SLC35E1: variants seen among roughly 807,000 people sequenced by gnomAD.
The protein encoded by SLC35E1 is solute carrier family 35, member E1.
Under a neutral mutation model 31.0 loss-of-function variants are expected in SLC35E1, and 12 were observed. That is an observed-to-expected ratio of 0.39 (90% CI 0.25 to 0.63). The LOEUF (loss-of-function observed/expected upper bound fraction) is 0.63, where lower values mean the gene tolerates loss of function less well. Ranked by LOEUF, SLC35E1 falls within the 20% of genes least tolerant of loss-of-function variation. The probability of loss-of-function intolerance (pLI) is 0.52; values close to 1 mark genes in which losing one functional copy is unlikely to be tolerated. For missense variants in SLC35E1, 429 were observed against 572.2 expected (o/e 0.75, Z 2.55); for synonymous variants, 257 against 264.1 (o/e 0.97, Z 0.26).
In SLC35E1 at chr19:16,572,376, G is replaced by T. The variant is rs997670483; in HGVS notation, c.-12C>A. ...GCGGCCGCCGCCATCCTGCCCGAGC[G>T]GCCGCCCCTTCCAGCCCGTCCGACG... On this transcript the variant is annotated 5_prime_UTR_variant, in exon 1 of 6. Transcript: ENST00000595753. This position sits in a 1 kb window ranked among gnomAD's most constrained non-coding sequence, Gnocchi z 4.1. 1.2e-5 allele frequency: 12 copies of T among 1,001,486 alleles called. No homozygotes were observed. The highest frequency in any genetic ancestry group is 3.5e-5 in the African/African-American group (2 of 57,116). The allele number at this position is 1,001,486 out of a possible 1,614,324, so 62.0% of individuals were successfully genotyped here. A position where few individuals can be genotyped will look rare whatever the true frequency, so the allele number is the denominator to read the frequency against.
At chr19:16,564,545 A>C (rs1371654591) in intron 4 of SLC35E1, among the ~76,000 whole-genome samples, 2 of 152,072 alleles carry the variant, frequency 1.3e-5, no homozygotes, top group Non-Finnish European at 2.9e-5. Context: ...ACCTCAAGTG[A>C]TCTGCCCACC....
intron 2 of SLC35E1, among the ~76,000 whole-genome samples, chr19:16,571,119 C>T (rs951982485): frequency 6.8e-6 from 1 of 147,714 alleles, no homozygotes; most frequent in South Asian, 2.1e-4. Flanking sequence ...AAAAAGTGAA[C>T]ACCTAACCGA....
At chr19:16,564,959 G>T (rs1489990998) in intron 4 of SLC35E1, 1 of 346,392 alleles carries the variant, frequency 2.9e-6, no homozygotes, top group Non-Finnish European at 5.8e-6. Flanking sequence ...CACTACTTCA[G>T]CAGGTGGAGC....
At chr19:16,554,438 G>A (rs2122322057) in intron 5 of SLC35E1, among the ~76,000 whole-genome samples, 1 of 152,250 alleles carries the variant, frequency 6.6e-6, no homozygotes, top group Admixed American at 6.5e-5. Flanking sequence ...AAGTGCTTTG[G>A]GAGGCCTAGG....
chr19:16,563,269 A>G (rs1177917772), intron 4 of SLC35E1, among the ~76,000 whole-genome samples: 1 of 151,172 alleles, frequency 6.6e-6, no homozygotes, highest in Non-Finnish European at 1.5e-5. Context: ...GGCTGCAGTG[A>G]GCCGAGAACA....
chr19:16,571,859 C>G (rs1374280569), intron 1 of SLC35E1, 85 bp downstream of exon 1: 2 of 1,383,594 alleles, frequency 1.4e-6, no homozygotes, highest in African/African-American at 2.9e-5. Context: ...GCGGGACGCG[C>G]CCCGGGCGGC....
At chr19:16,568,001 C>G (rs2085940324) in intron 3 of SLC35E1, 31 bp downstream of exon 3, 1 of 1,578,384 alleles carries the variant, frequency 6.3e-7, no homozygotes, top group Non-Finnish European at 8.6e-7. Flanking sequence ...CCCTGAAACC[C>G]CATGCATGTC....
intron 5 of SLC35E1, among the ~76,000 whole-genome samples, chr19:16,554,199 G>A (rs2085861798): frequency 6.6e-6 from 1 of 150,740 alleles, no homozygotes. Flanking sequence ...CCAGGAGGCG[G>A]AGGTTGCAGT....
intron 4 of SLC35E1, among the ~76,000 whole-genome samples, chr19:16,562,598 T>A (rs991542774): frequency 6.8e-6 from 1 of 146,290 alleles, no homozygotes; most frequent in Non-Finnish European, 1.5e-5. Flanking sequence ...TGTATTATTT[T>A]AAAATGTCTT....
At chr19:16,558,082 C>T (rs1456136686) in intron 4 of SLC35E1, among the ~76,000 whole-genome samples, 1 of 151,378 alleles carries the variant, frequency 6.6e-6, no homozygotes, top group African/African-American at 2.4e-5. Flanking sequence ...TTGCTCTTGT[C>T]ACCCTGGCTG....
At chr19:16,569,678 T>C (rs1194665564) in intron 2 of SLC35E1, among the ~76,000 whole-genome samples, 2 of 152,190 alleles carry the variant, frequency 1.3e-5, no homozygotes, top group East Asian at 1.9e-4. Context: ...AAACCCTGTC[T>C]GTATTGAAAA....
At chr19:16,558,604 T>C (rs1005133664) in intron 4 of SLC35E1, among the ~76,000 whole-genome samples, 1 of 152,132 alleles carries the variant, frequency 6.6e-6, no homozygotes, top group African/African-American at 2.4e-5. Flanking sequence ...TCCAAAGTGC[T>C]GGGATTGGAT....
At chr19:16,566,323 C>T in intron 4 of SLC35E1, 1 of 615,324 alleles carries the variant, frequency 1.6e-6, no homozygotes, top group Non-Finnish European at 2.7e-6. Flanking sequence ...GGATCAAGCA[C>T]ACCAGAGAAG....
intron 4 of SLC35E1, among the ~76,000 whole-genome samples, chr19:16,556,344 C>CAAA (rs55752909): frequency 9.0e-6 from 1 of 111,642 alleles, no homozygotes; most frequent in Non-Finnish European, 1.9e-5. Context: ...CCTGTCTCTA[C>CAAA]AAAAAAAAAA....
At chr19:16,571,852 G>A in intron 1 of SLC35E1, 92 bp downstream of exon 1, 2 of 1,344,086 alleles carry the variant, frequency 1.5e-6, no homozygotes, top group African/African-American at 1.5e-5. Flanking sequence ...CAGTCCGGCG[G>A]GACGCGCCCC....
At chr19:16,562,471 T>C (rs1265857873) in intron 4 of SLC35E1, among the ~76,000 whole-genome samples, 1 of 152,246 alleles carries the variant, frequency 6.6e-6, no homozygotes, top group African/African-American at 2.4e-5. Flanking sequence ...GTCCCTTTTA[T>C]AAAATGGTTT....
intron 4 of SLC35E1, among the ~76,000 whole-genome samples, chr19:16,559,672 C>T (rs535143416): frequency 5.9e-5 from 9 of 152,212 alleles, no homozygotes; most frequent in African/African-American, 1.9e-4. Flanking sequence ...AAAAAATTTC[C>T]ATTTGGTTCT....
Position 16,572,131 on chromosome 19 carries a change from G to A in SLC35E1, c.234C>T (p.Arg78=). 6.6e-7 allele frequency: 1 copy of A among 1,511,372 alleles called. No homozygotes were observed. The highest frequency in any genetic ancestry group is 8.8e-7 in the Non-Finnish European group (1 of 1,130,550). The allele number at this position is 1,511,372 out of a possible 1,614,324, so 93.6% of individuals were successfully genotyped here. A position where few individuals can be genotyped will look rare whatever the true frequency, so the allele number is the denominator to read the frequency against. The change falls in exon 1 of 6, where the codon CGC becomes CGT. Residue 78 remains arginine, a synonymous_variant. Transcript: ENST00000595753. This position sits in a 1 kb window ranked among gnomAD's most constrained non-coding sequence, Gnocchi z 4.1. ...ALCAGLPPLL[R]AWRVPPAPPV... ...GCGGCGCGGGGGGCACGCGCCAGGC[G>A]CGCAGCAGCGGCGGGAGCCCAGCGC...
chr19:16,570,428 C>A (rs1408089893), intron 2 of SLC35E1, among the ~76,000 whole-genome samples: 4 of 152,182 alleles, frequency 2.6e-5, no homozygotes, highest in African/African-American at 9.7e-5. Flanking sequence ...ATACAACATG[C>A]CAGAAACCAA....
Sources: allele counts gnomAD v4.1 joint callset (sites outside exome capture counted in the v4.1 genomes callset), GRCh38; gene constraint gnomAD v4.1.1; non-coding constraint Gnocchi (gnomAD v3.1); transcripts MANE v1.5; gene names NCBI Gene and HGNC (gene_info 2026-07-23, HGNC 2026-07-21).